Variants in WDPCP observed in about 807,000 individuals in gnomAD.
WDPCP encodes the protein WD repeat containing planar cell polarity effector, also known as WD repeat-containing and planar cell polarity effector protein fritz homolog.
In WDPCP, 71 loss-of-function variants were observed where a neutral mutation model predicts 93.1. That is an observed-to-expected ratio of 0.76 (90% CI 0.63 to 0.93). The LOEUF is 0.93. Ranked by LOEUF, WDPCP falls within the 40% of genes least tolerant of loss-of-function variation. The probability of loss-of-function intolerance (pLI) is 0.00; values close to 1 mark genes in which losing one functional copy is unlikely to be tolerated. For missense variants in WDPCP, 844 were observed against 887.4 expected (o/e 0.95, Z 0.62); for synonymous variants, 315 against 315.0 (o/e 1.00, Z 0.00).
At chr2:63,235,698 G>A (rs562283113) in intron 14 of WDPCP, among the ~76,000 whole-genome samples, 21 of 151,866 alleles carry the variant, frequency 1.4e-4, no homozygotes, top group South Asian at 1.0e-3. Context: ...TTCAACATAC[G>A]CAAATCAATA....
chr2:63,351,644 A>T (rs1689621446), intron 12 of WDPCP, among the ~76,000 whole-genome samples: 1 of 152,176 alleles, frequency 6.6e-6, no homozygotes, highest in Non-Finnish European at 1.5e-5. Context: ...GTATACAGGT[A>T]CCACATTTTC....
At chr2:63,393,051 G>C (rs1693413533) in intron 10 of WDPCP, among the ~76,000 whole-genome samples, 1 of 152,106 alleles carries the variant, frequency 6.6e-6, no homozygotes, top group Admixed American at 6.6e-5. Flanking sequence ...TATACCCAAA[G>C]GATTATAAAT....
rs764485190 is a variant in WDPCP, at chr2:63,433,807, T to C, written c.763A>G (p.Ile255Val). Reference sequence around the variant, plus strand: ...TTGGCTCTGTCCTTCTCAGAAGAAATGGGGGCCCAAGGCCAAGCATCATCG... The same window carrying C: ...TTGGCTCTGTCCTTCTCAGAAGAAACGGGGGCCCAAGGCCAAGCATCATCG... ...VNDDAWPWAP[I>V]SSEKDRANLL... The change falls in exon 9 of 18, where the codon ATT (isoleucine) becomes GTT (valine). Residue 255 changes from isoleucine to valine, a missense_variant. Transcript: ENST00000272321. The C allele has an allele frequency of 4.3e-6, 7 of 1,612,162 alleles. No individual in the cohort carries two copies. Among genetic ancestry groups the C allele is most frequent in the African/African-American group, 4.0e-5 (3 of 74,892 alleles).
intron 2 of WDPCP, among the ~76,000 whole-genome samples, chr2:63,661,609 C>T (rs1321312022): frequency 6.6e-6 from 1 of 152,152 alleles, no homozygotes; most frequent in East Asian, 1.9e-4. Context: ...ACATGTATTG[C>T]TTGAATCATC....
intron 6 of WDPCP, among the ~76,000 whole-genome samples, chr2:63,452,039 A>G (rs141551720): frequency 0.02 from 3,101 of 152,304 alleles, 124 homozygotes; most frequent in African/African-American, 0.071. Flanking sequence ...CACAAGACAG[A>G]GATGCCCTCT....
chr2:63,490,713 G>A (rs1700827041), intron 2 of WDPCP, among the ~76,000 whole-genome samples: 1 of 152,106 alleles, frequency 6.6e-6, no homozygotes, highest in Admixed American at 6.5e-5. Flanking sequence ...CAGAATAGAA[G>A]GAACAGGGAC....
chr2:63,514,377 T>G (rs1702423325), intron 1 of WDPCP, among the ~76,000 whole-genome samples: 3 of 152,162 alleles, frequency 2.0e-5, no homozygotes, highest in Admixed American at 2.0e-4. Context: ...CTAATGCCTT[T>G]AATGTCTTGG....
chr2:63,602,925 T>C (rs942532896), intron 3 of WDPCP, among the ~76,000 whole-genome samples: 1 of 148,878 alleles, frequency 6.7e-6, no homozygotes, highest in African/African-American at 2.5e-5. Context: ...TACAGTTTAT[T>C]TAACCGTTCT....
upstream of WDPCP, chr2:63,590,552 A>C (rs2106593905): frequency 6.6e-6 from 1 of 152,300 alleles, no homozygotes; most frequent in South Asian, 2.1e-4. Flanking sequence ...AGATTACTTG[A>C]TAGCTTTATT....
chr2:63,784,580 G>GTGTA (rs1458471451), intron 2 of WDPCP, among the ~76,000 whole-genome samples: 1 of 151,786 alleles, frequency 6.6e-6, no homozygotes, highest in East Asian at 1.9e-4. Flanking sequence ...GAGTGTGTGT[G>GTGTA]TGTGTGTGTG....
chr2:63,605,250 T>C, intron 3 of WDPCP: 3 of 1,436,582 alleles, frequency 2.1e-6, no homozygotes, highest in Non-Finnish European at 2.9e-6. Context: ...GACCAAGTAA[T>C]ACTGCTGCCT....
intron 17 of WDPCP, among the ~76,000 whole-genome samples, chr2:63,152,401 A>C (rs1472367601): frequency 6.6e-6 from 1 of 151,946 alleles, no homozygotes; most frequent in South Asian, 2.1e-4. Context: ...CAGCCTCCCA[A>C]GCAGCTGGGA....
In WDPCP at chr2:63,457,794, A is replaced by G. The variant is rs138590248; in HGVS notation, c.385-17923T>C. Reference sequence around the variant, plus strand: ...AACTCTCAACAAACTAGGCATAGAAAGACCATCCATCATACTGAATAAGGA... The same window carrying G: ...AACTCTCAACAAACTAGGCATAGAAGGACCATCCATCATACTGAATAAGGA... On this transcript the variant is annotated intron_variant, in intron 6 of 17. Coordinates refer to ENST00000272321, the MANE Select transcript of WDPCP (RefSeq NM_015910.7). Among the ~76,000 whole-genome samples, 1,327 of 152,280 alleles carry G rather than the reference A, an allele frequency of 8.7e-3. 8 individuals are homozygous for G. The highest frequency in any genetic ancestry group is 0.012 in the Non-Finnish European group (835 of 68,000).
At chr2:63,329,127 G>A (rs754532832) in intron 12 of WDPCP, among the ~76,000 whole-genome samples, 4 of 152,170 alleles carry the variant, frequency 2.6e-5, no homozygotes, top group South Asian at 2.1e-4. Flanking sequence ...TACACTGTAC[G>A]TTAGATCTCT....
intron 14 of WDPCP, among the ~76,000 whole-genome samples, chr2:63,193,943 T>G (rs1465293977): frequency 1.3e-5 from 2 of 152,198 alleles, no homozygotes; most frequent in African/African-American, 2.4e-5. Context: ...GCTTGCTGAT[T>G]TATTTAATGA....
intron 1 of WDPCP, among the ~76,000 whole-genome samples, chr2:63,539,594 G>A (rs774441937): frequency 4.6e-5 from 7 of 152,054 alleles, no homozygotes; most frequent in Non-Finnish European, 1.0e-4. Flanking sequence ...GATGAGTCAC[G>A]AGAAGCATTT....
At chr2:63,170,281 T>C (rs1034330456) in intron 15 of WDPCP, among the ~76,000 whole-genome samples, 2 of 151,392 alleles carry the variant, frequency 1.3e-5, no homozygotes, top group Admixed American at 1.3e-4. Flanking sequence ...TCTTTCTTTT[T>C]TTTTTTTCTG....
intron 6 of WDPCP, chr2:63,477,764 C>G (rs1700053256): frequency 1.3e-5 from 2 of 152,148 alleles, no homozygotes; most frequent in South Asian, 2.1e-4. Context: ...AACACACACC[C>G]TAAATAGGGA....
intron 13 of WDPCP, among the ~76,000 whole-genome samples, chr2:63,306,419 C>G (rs924110878): frequency 6.6e-6 from 1 of 152,178 alleles, no homozygotes; most frequent in Admixed American, 6.5e-5. Context: ...ATTCCAACAC[C>G]TGGCAGAGTC....
Sources: allele counts gnomAD v4.1 joint callset (sites outside exome capture counted in the v4.1 genomes callset), GRCh38; gene constraint gnomAD v4.1.1; transcripts MANE v1.5; gene names NCBI Gene and HGNC (gene_info 2026-07-23, HGNC 2026-07-21).